The following THEMIS variants were observed in gnomAD, a reference collection of about 807,000 sequenced individuals.
THEMIS encodes the protein thymocyte selection associated.
In THEMIS, 37 loss-of-function variants were observed where a neutral mutation model predicts 52.6. The ratio of observed to expected loss-of-function variants is 0.70; its 90% CI spans 0.54 to 0.93. THEMIS has a LOEUF of 0.93. THEMIS is among the 40% of genes least tolerant of loss of function. The probability of loss-of-function intolerance (pLI) is 0.00; values close to 1 mark genes in which losing one functional copy is unlikely to be tolerated. For synonymous variants in THEMIS, 292 were observed against 272.7 expected (o/e 1.07, Z -0.70); for missense variants, 808 against 763.1 (o/e 1.06, Z -0.69).
intron 2 of THEMIS, among the ~76,000 whole-genome samples, chr6:127,852,920 G>T (rs2114285911): frequency 6.6e-6 from 1 of 151,506 alleles, no homozygotes; most frequent in African/African-American, 2.4e-5. Flanking sequence ...TCACTTAATA[G>T]ATGCAAGATT....
At chr6:127,763,972 G>A (rs1480805735) in intron 4 of THEMIS, among the ~76,000 whole-genome samples, 1 of 151,794 alleles carries the variant, frequency 6.6e-6, no homozygotes, top group African/African-American at 2.4e-5. Context: ...CATTCAGAGA[G>A]GGCATATAAC....
intron 1 of THEMIS, among the ~76,000 whole-genome samples, chr6:127,869,995 G>A (rs1373989914): frequency 6.6e-6 from 1 of 152,098 alleles, no homozygotes; most frequent in African/African-American, 2.4e-5. Flanking sequence ...TTGCTTGGGT[G>A]GTGTCAGAAA....
At chr6:127,806,052 A>G (rs1277438528) in intron 4 of THEMIS, among the ~76,000 whole-genome samples, 2 of 152,076 alleles carry the variant, frequency 1.3e-5, no homozygotes, top group Non-Finnish European at 2.9e-5. Flanking sequence ...TAGTGATTAC[A>G]GGCACTAAAA....
At chr6:127,757,655 C>G (rs911288862) in intron 4 of THEMIS, among the ~76,000 whole-genome samples, 7 of 151,900 alleles carry the variant, frequency 4.6e-5, no homozygotes, top group Admixed American at 2.0e-4. Context: ...GCTAGATTTT[C>G]GTATTTTTTA....
chr6:127,728,508 T>C (rs1033263663), intron 4 of THEMIS, among the ~76,000 whole-genome samples: 2 of 152,216 alleles, frequency 1.3e-5, no homozygotes, highest in Non-Finnish European at 2.9e-5. Flanking sequence ...CAGCTTAAAT[T>C]ACTAGCTTTC....
intron 1 of THEMIS, among the ~76,000 whole-genome samples, chr6:127,886,811 A>G (rs1030582342): frequency 4.6e-4 from 70 of 152,238 alleles, no homozygotes; most frequent in African/African-American, 1.6e-3. Flanking sequence ...ACTCTGCCCT[A>G]TACTGCTGTT....
intron 1 of THEMIS, among the ~76,000 whole-genome samples, chr6:127,880,223 T>C (rs1208490371): frequency 6.6e-6 from 1 of 152,156 alleles, no homozygotes; most frequent in African/African-American, 2.4e-5. Flanking sequence ...ATTAAAATTA[T>C]CCAATCTCAT....
intron 1 of THEMIS, among the ~76,000 whole-genome samples, chr6:127,877,173 G>T (rs1355911116): frequency 6.6e-6 from 1 of 152,074 alleles, no homozygotes; most frequent in African/African-American, 2.4e-5. Context: ...TGATGTTGAC[G>T]GCCTTGATCT....
At chr6:127,783,928 C>T (rs1314833416) in intron 4 of THEMIS, among the ~76,000 whole-genome samples, 1 of 152,166 alleles carries the variant, frequency 6.6e-6, no homozygotes, top group Non-Finnish European at 1.5e-5. Flanking sequence ...TATAAAGGCA[C>T]ATGCACACGT....
At position 127,813,562 on chromosome 6, in the gene THEMIS, C is replaced by T; in HGVS notation, c.1079G>A (p.Ser360Asn). The change falls in exon 4 of 6, where the codon AGT (serine) becomes AAT (asparagine). Residue 360 changes from serine to asparagine, a missense_variant. By Grantham distance (46) the Ser-to-Asn change is conservative. Coordinates refer to ENST00000368248, the MANE Select transcript of THEMIS (RefSeq NM_001010923.3). ...PTAYDLEIAK[S>N]EKEPLHVVAT... ...CACCACGTGAAGAGGCTCCTTTTCACTCTTAGCGATCTCTAGGTCATAGGC... is the reference window on the plus strand; with the variant it reads ...CACCACGTGAAGAGGCTCCTTTTCATTCTTAGCGATCTCTAGGTCATAGGC... 6.2e-7 allele frequency: 1 copy of T among 1,613,728 alleles called. No individual in the cohort carries two copies. The highest frequency in any genetic ancestry group is 8.5e-7 in the Non-Finnish European group (1 of 1,179,870).
intron 2 of THEMIS, among the ~76,000 whole-genome samples, chr6:127,831,932 C>A (rs1028471876): frequency 6.6e-6 from 1 of 151,914 alleles, no homozygotes; most frequent in Admixed American, 6.6e-5. Flanking sequence ...TGTGCGCGTG[C>A]CTGTGTGTGT....
intron 1 of THEMIS, among the ~76,000 whole-genome samples, chr6:127,882,534 A>G (rs1192020599): frequency 6.6e-6 from 1 of 151,966 alleles, no homozygotes; most frequent in Non-Finnish European, 1.5e-5. Context: ...ACATGTAAAA[A>G]AATTCTACTT....
At chr6:127,769,344 T>G (rs1340232160) in intron 4 of THEMIS, among the ~76,000 whole-genome samples, 1 of 146,156 alleles carries the variant, frequency 6.8e-6, no homozygotes, top group East Asian at 1.9e-4. Flanking sequence ...ATAGACCAGT[T>G]TTTTTTTGTT....
intron 4 of THEMIS, among the ~76,000 whole-genome samples, chr6:127,740,775 C>T (rs978546452): frequency 1.3e-5 from 2 of 152,112 alleles, no homozygotes; most frequent in Admixed American, 1.3e-4. Context: ...CACTAGAACT[C>T]CGCTATATAA....
At chr6:127,834,247 A>T (rs1311333602) in intron 2 of THEMIS, among the ~76,000 whole-genome samples, 1 of 152,016 alleles carries the variant, frequency 6.6e-6, no homozygotes, top group African/African-American at 2.4e-5. Flanking sequence ...GAGACTATAG[A>T]ATGCCTGTGT....
rs899128729 is a variant in THEMIS, at chr6:127,814,667, G to A, written c.710-736C>T. Among the ~76,000 whole-genome samples the A allele has an allele frequency of 3.3e-5, 5 of 152,274 alleles. No individual in the cohort carries two copies. In the East Asian group the frequency reaches 7.7e-4, roughly 24 times the overall value. On this transcript the variant is annotated intron_variant, in intron 3 of 5. Transcript: ENST00000368248. Reference sequence around the variant, plus strand: ...CCATTCAAGAGCCCTAGGTATGCTGGTGAGTACTCACCAATGTATTCATTG... The same window carrying A: ...CCATTCAAGAGCCCTAGGTATGCTGATGAGTACTCACCAATGTATTCATTG...
At chr6:127,706,314 A>C (rs1410846616), downstream of THEMIS, among the ~76,000 whole-genome samples, 1 of 152,122 alleles carries the variant, frequency 6.6e-6, no homozygotes, top group Non-Finnish European at 1.5e-5. Flanking sequence ...AAATTATCAC[A>C]ACAACTCTAC....
chr6:127,727,279 G>C (rs1333574018), intron 4 of THEMIS, among the ~76,000 whole-genome samples: 1 of 152,140 alleles, frequency 6.6e-6, no homozygotes, highest in African/African-American at 2.4e-5. Flanking sequence ...GAGTCTGTAA[G>C]TGTAATCTGT....
At chr6:127,715,050 A>G (rs1233797876) in intron 5 of THEMIS, among the ~76,000 whole-genome samples, 2 of 151,956 alleles carry the variant, frequency 1.3e-5, no homozygotes, top group East Asian at 3.9e-4. Context: ...GAATTGTTCA[A>G]AGAATGAAAT....
Sources: allele counts gnomAD v4.1 joint callset (sites outside exome capture counted in the v4.1 genomes callset), GRCh38; gene constraint gnomAD v4.1.1; transcripts MANE v1.5; gene names NCBI Gene and HGNC (gene_info 2026-07-23, HGNC 2026-07-21).